Variants in FBN2 observed in about 807,000 individuals in gnomAD.
FBN2 encodes the protein fibrillin-2.
A neutral mutation model predicts 355.6 loss-of-function variants in FBN2; 105 were observed. The ratio of observed to expected loss-of-function variants is 0.30; its 90% CI spans 0.25 to 0.35. The LOEUF is 0.35. Among genes scored for constraint, FBN2 ranks in the 10% least tolerant of loss-of-function variants. The pLI, the probability that FBN2 is intolerant of heterozygous loss-of-function variation, is 1.00. For synonymous variants in FBN2, 1,350 were observed against 1,301.2 expected, an observed-to-expected ratio of 1.04 and a Z score of -0.81; for missense variants, 3,280 against 3,758.7, an observed-to-expected ratio of 0.87 and a Z score of 3.33.
chr5:128,482,022 A>G (rs1021092142), intron 5 of FBN2, among the ~76,000 whole-genome samples: 2 of 152,146 alleles, frequency 1.3e-5, no homozygotes, highest in Admixed American at 6.5e-5. Context: ...CTCTACTTCA[A>G]TTTCTGGGAA....
chr5:128,531,698 A>G (rs79306735), intron 2 of FBN2, among the ~76,000 whole-genome samples: 14,184 of 147,634 alleles, frequency 0.096, 876 homozygotes, highest in African/African-American at 0.17. Flanking sequence ...GTATGTATAT[A>G]TAAGTGTATA....
chr5:128,321,637 G>A (rs1037947408), intron 34 of FBN2, among the ~76,000 whole-genome samples: 1 of 152,038 alleles, frequency 6.6e-6, no homozygotes, highest in Admixed American at 6.6e-5. Flanking sequence ...CTTTTTTATG[G>A]TTGCATAGTA....
intron 5 of FBN2, among the ~76,000 whole-genome samples, chr5:128,493,980 G>A (rs546859912): frequency 6.7e-6 from 1 of 150,340 alleles, no homozygotes; most frequent in South Asian, 2.1e-4. Flanking sequence ...TTCAATGTAA[G>A]ACATGTCATA....
At chr5:128,334,693 A>G in intron 31 of FBN2, 26 bp downstream of exon 31, 1 of 1,613,780 alleles carries the variant, frequency 6.2e-7, no homozygotes, top group Non-Finnish European at 8.5e-7. Flanking sequence ...AAGTTGAAAT[A>G]CAGAGAACAC....
chr5:128,424,075 C>A (rs1753423070), intron 7 of FBN2, among the ~76,000 whole-genome samples: 1 of 152,008 alleles, frequency 6.6e-6, no homozygotes, highest in South Asian at 2.1e-4. Context: ...TGTAGTGGAG[C>A]TGAAGACTCG....
chr5:128,517,102 G>A (rs1042114195), intron 5 of FBN2, among the ~76,000 whole-genome samples: 1 of 152,094 alleles, frequency 6.6e-6, no homozygotes, highest in Non-Finnish European at 1.5e-5. Context: ...TACTGTACAT[G>A]TAAAATATAT....
chr5:128,409,030 TCTATACC>T (rs140648637), intron 7 of FBN2, among the ~76,000 whole-genome samples: 1 of 152,210 alleles, frequency 6.6e-6, no homozygotes, highest in African/African-American at 2.4e-5. Context: ...AAAGCAGAAC[TCTATACC>T]CTTTTTTAAA....
Position 128,278,672 on chromosome 5 carries a change from TA to T in FBN2, c.7307del (p.Ile2436AsnfsTer20), listed in dbSNP as rs759122171. On this transcript the variant is annotated frameshift_variant, in exon 57 of 65. Coordinates refer to ENST00000262464, the MANE Select transcript of FBN2 (RefSeq NM_001999.4). LOFTEE classifies it high-confidence loss of function. ...PLPGTAQYKK[I>X]CPHGPGYTTD... ...TTGTATATCCTGGGCCATGAGGACA[TA>T]TCTTTTTGTACTGGGCAGTTCCAGG... 1 of 1,614,140 alleles carries T rather than the reference TA, an allele frequency of 6.2e-7. No homozygotes were observed. The highest frequency in any genetic ancestry group is 8.5e-7 in the Non-Finnish European group (1 of 1,180,012).
intron 7 of FBN2, among the ~76,000 whole-genome samples, chr5:128,435,832 C>T (rs1449405463): frequency 6.6e-6 from 1 of 152,228 alleles, no homozygotes; most frequent in African/African-American, 2.4e-5. Context: ...CCTGTCTTCA[C>T]ATGCCAAAGA....
rs750720635 is a variant in FBN2 at position 128,395,281 on chromosome 5, A to G, written c.1079-7T>C. The G allele has an allele frequency of 6.2e-5, 100 of 1,613,946 alleles. No individual in the cohort carries two copies. The highest frequency in any genetic ancestry group is 7.6e-6 in the Non-Finnish European group (9 of 1,180,010). On this transcript the variant is annotated splice_polypyrimidine_tract_variant and splice_region_variant and intron_variant, in intron 8 of 64. Transcript: ENST00000262464. ...CACATGCCTGTTCTCTGATCTGTGC[A>G]TGTATAAATAAGACAGAAGATATGG...
At chr5:128,397,890 G>T (rs1211167370) in intron 8 of FBN2, among the ~76,000 whole-genome samples, 1 of 151,986 alleles carries the variant, frequency 6.6e-6, no homozygotes, top group Non-Finnish European at 1.5e-5. Context: ...ATACATAACA[G>T]AAAACTCCCT....
At chr5:128,462,203 A>C (rs1280164078) in intron 6 of FBN2, among the ~76,000 whole-genome samples, 1 of 152,162 alleles carries the variant, frequency 6.6e-6, no homozygotes, top group Non-Finnish European at 1.5e-5. Flanking sequence ...TCATCCACAT[A>C]GTTGAAATTT....
At chr5:128,313,852 CAA>C (rs70997367) in intron 36 of FBN2, among the ~76,000 whole-genome samples, 2 of 48,240 alleles carry the variant, frequency 4.1e-5, no homozygotes, top group Non-Finnish European at 3.6e-5. Flanking sequence ...GACTCTGTCT[CAA>C]AAAAAAAAAA....
intron 26 of FBN2, among the ~76,000 whole-genome samples, chr5:128,338,428 A>G (rs950105425): frequency 1.3e-5 from 2 of 152,198 alleles, no homozygotes; most frequent in African/African-American, 4.8e-5. Context: ...GTTGTCAGTT[A>G]TCCTGGTGTC....
At chr5:128,293,822 T>G (rs1170680625) in intron 48 of FBN2, among the ~76,000 whole-genome samples, 1 of 151,508 alleles carries the variant, frequency 6.6e-6, no homozygotes, top group Non-Finnish European at 1.5e-5. Flanking sequence ...ATCTTAAACT[T>G]TTCTTTTTTT....
At chr5:128,444,700 T>C (rs1289934916) in intron 7 of FBN2, among the ~76,000 whole-genome samples, 1 of 152,236 alleles carries the variant, frequency 6.6e-6, no homozygotes, top group Non-Finnish European at 1.5e-5. Flanking sequence ...AAGTGGTGAA[T>C]AAAGACTTGT....
chr5:128,311,501 G>T, intron 38 of FBN2, 76 bp from the exon 39 acceptor site: 1 of 1,490,770 alleles, frequency 6.7e-7, no homozygotes, highest in Non-Finnish European at 9.3e-7. Context: ...GCTTTCAAAA[G>T]TGTGATCTTG....
intron 15 of FBN2, among the ~76,000 whole-genome samples, chr5:128,373,426 G>A (rs1581248398): frequency 6.6e-6 from 1 of 152,158 alleles, no homozygotes; most frequent in Non-Finnish European, 1.5e-5. Context: ...TGGATAGAGT[G>A]GATAAATTTG....
At chr5:128,479,120 T>C (rs1755085629) in intron 5 of FBN2, among the ~76,000 whole-genome samples, 1 of 152,228 alleles carries the variant, frequency 6.6e-6, no homozygotes, top group African/African-American at 2.4e-5. Context: ...CTTTAGAATC[T>C]TGTGACATGA....
Sources: gnomAD v4.1 joint callset for allele counts (sites outside exome capture counted in the v4.1 genomes callset) on GRCh38, gnomAD v4.1.1 for gene constraint, MANE v1.5 for transcripts, NCBI Gene and HGNC (gene_info 2026-07-23, HGNC 2026-07-21) for gene names.